LARGE1: variants seen among roughly 807,000 people sequenced by gnomAD.
LARGE1 encodes xylosyl- and glucuronyltransferase LARGE1.
Under a neutral mutation model 87.6 loss-of-function variants are expected in LARGE1, and 43 were observed. The observed-to-expected ratio is 0.49, with a 90% CI of 0.38 to 0.63. The LOEUF (loss-of-function observed/expected upper bound fraction) is 0.63, where lower values mean the gene tolerates loss of function less well. Among genes scored for constraint, LARGE1 ranks in the 30% least tolerant of loss-of-function variants. The pLI is 0.00. For missense variants in LARGE1, 802 were observed against 1,000.2 expected (o/e 0.80, Z 2.67); for synonymous variants, 434 against 394.6 (o/e 1.10, Z -1.18).
intron 2 of LARGE1, among the ~76,000 whole-genome samples, chr22:33,688,000 C>T (rs2081993068): frequency 1.3e-5 from 2 of 152,142 alleles, no homozygotes; most frequent in South Asian, 2.1e-4. Context: ...CCCTCATCTT[C>T]ATGGGGAGAA....
chr22:33,804,059 T>A (rs2086240453), intron 1 of LARGE1, among the ~76,000 whole-genome samples: 1 of 152,144 alleles, frequency 6.6e-6, no homozygotes, highest in Admixed American at 6.5e-5. Context: ...CAGAAGAGAA[T>A]TAACACAGCA....
Position 33,626,344 on chromosome 22 carries a change from C to A in LARGE1, c.409-18G>T. 2.5e-6 allele frequency: 4 copies of A among 1,606,648 alleles called. No homozygotes were observed. Among genetic ancestry groups the A allele is most frequent in the Non-Finnish European group, 3.4e-6 (4 of 1,173,412 alleles). On this transcript the variant is annotated intron_variant, in intron 3 of 14. Coordinates refer to ENST00000397394, the MANE Select transcript of LARGE1 (RefSeq NM_133642.5). ...TGGATTGTCTGGGAAGAAAAGAAGA[C>A]GGGGTGAGCAGTCAGACAGACGGAA...
intron 1 of LARGE1, among the ~76,000 whole-genome samples, chr22:33,850,276 C>T (rs1036805696): frequency 3.3e-5 from 5 of 152,114 alleles, no homozygotes; most frequent in Admixed American, 3.3e-4. Flanking sequence ...CCTATTTTCC[C>T]ATCTAAAAGA....
At chr22:33,810,089 C>T (rs1263172613) in intron 1 of LARGE1, among the ~76,000 whole-genome samples, 1 of 152,142 alleles carries the variant, frequency 6.6e-6, no homozygotes, top group East Asian at 1.9e-4. Flanking sequence ...CTGAACAAGA[C>T]ACAGCATGGG....
chr22:33,456,887 A>T (rs1049349034), intron 6 of LARGE1, among the ~76,000 whole-genome samples: 2 of 152,222 alleles, frequency 1.3e-5, no homozygotes, highest in African/African-American at 4.8e-5. Flanking sequence ...AACAGGAGAT[A>T]TGATCAAGTC....
At chr22:33,419,445 C>G (rs544636870) in intron 7 of LARGE1, among the ~76,000 whole-genome samples, 1 of 152,052 alleles carries the variant, frequency 6.6e-6, no homozygotes, top group South Asian at 2.1e-4. Context: ...CCCAAGTACA[C>G]GCCTGCTTGG....
At chr22:33,283,144 T>C in intron 13 of LARGE1, 58 bp downstream of exon 13, 2 of 1,608,776 alleles carry the variant, frequency 1.2e-6, no homozygotes, top group East Asian at 2.2e-5. Context: ...CATCTGGGTT[T>C]CCCAGGAGAA....
At chr22:33,085,331 ACTT>A in the LARGE1 span, among the ~76,000 whole-genome samples, 1 of 152,234 alleles carries the variant, frequency 6.6e-6, no homozygotes, top group Admixed American at 6.5e-5. Context: ...TTTGAAACAA[ACTT>A]AAAAGTTTTC....
the LARGE1 span, among the ~76,000 whole-genome samples, chr22:33,143,370 G>A: frequency 6.6e-6 from 1 of 152,034 alleles, no homozygotes. Flanking sequence ...ATCAAATATT[G>A]AAAGAAATCA....
intron 5 of LARGE1, among the ~76,000 whole-genome samples, chr22:33,584,955 A>G (rs1044329821): frequency 2.0e-5 from 3 of 152,160 alleles, no homozygotes; most frequent in Non-Finnish European, 4.4e-5. Context: ...TGTCTCTACT[A>G]AAAATACAAA....
chr22:33,439,213 C>CA (rs1158386811), intron 6 of LARGE1, among the ~76,000 whole-genome samples: 4,242 of 89,874 alleles, frequency 0.047, 198 homozygotes, highest in African/African-American at 0.15. Flanking sequence ...GACTCCATCT[C>CA]AAAAAAAAAA....
intron 9 of LARGE1, among the ~76,000 whole-genome samples, chr22:33,369,280 G>C (rs2064715942): frequency 6.6e-6 from 1 of 152,148 alleles, no homozygotes; most frequent in Non-Finnish European, 1.5e-5. Flanking sequence ...AGGATTTATG[G>C]AATTTTCTTT....
chr22:33,563,496 T>C (rs2077923592), intron 6 of LARGE1, among the ~76,000 whole-genome samples: 1 of 152,078 alleles, frequency 6.6e-6, no homozygotes, highest in Non-Finnish European at 1.5e-5. Context: ...CACCATGTAA[T>C]TATAGAAAAA....
chr22:33,347,520 T>A (rs932333710), intron 9 of LARGE1, among the ~76,000 whole-genome samples: 1 of 152,350 alleles, frequency 6.6e-6, no homozygotes, highest in Non-Finnish European at 1.5e-5. Context: ...CTTTTCTTTG[T>A]CTAAGGGACA....
At chr22:33,893,777 G>A (rs927365984) in intron 1 of LARGE1, among the ~76,000 whole-genome samples, 4 of 152,064 alleles carry the variant, frequency 2.6e-5, no homozygotes, top group East Asian at 1.9e-4. Context: ...CTCATCAAGC[G>A]GTATTCAGGT....
chr22:33,704,939 A>C (rs1488059502), intron 2 of LARGE1: 1 of 152,316 alleles, frequency 6.6e-6, no homozygotes, highest in African/African-American at 2.4e-5. Flanking sequence ...TTGCCAGAGC[A>C]GAGGACCCAC....
At chr22:33,117,618 C>G in the LARGE1 span, among the ~76,000 whole-genome samples, 1 of 151,890 alleles carries the variant, frequency 6.6e-6, no homozygotes, top group African/African-American at 2.4e-5. Flanking sequence ...GGTGGAAATT[C>G]TAGGAGAGTT....
intron 9 of LARGE1, among the ~76,000 whole-genome samples, chr22:33,340,456 C>G (rs917155664): frequency 5.3e-5 from 8 of 151,902 alleles, no homozygotes; most frequent in Admixed American, 1.3e-4. Flanking sequence ...TCAAAAACAG[C>G]TAAGCCAGGG....
chr22:33,312,837 C>A (rs1017284397), intron 11 of LARGE1, among the ~76,000 whole-genome samples: 3 of 152,124 alleles, frequency 2.0e-5, no homozygotes, highest in African/African-American at 7.2e-5. Context: ...ATTCCATTTT[C>A]TTTTTACTAT....
Sources: allele counts gnomAD v4.1 joint callset (sites outside exome capture counted in the v4.1 genomes callset), GRCh38; gene constraint gnomAD v4.1.1; transcripts MANE v1.5; gene names NCBI Gene and HGNC (gene_info 2026-07-23, HGNC 2026-07-21).